DLGAP2: variants seen among roughly 807,000 people sequenced by gnomAD.
DLGAP2 encodes disks large-associated protein 2.
In DLGAP2, 26 loss-of-function variants were observed where a neutral mutation model predicts 100.3. The observed-to-expected ratio is 0.26, with a 90% CI of 0.19 to 0.36. The LOEUF is 0.36. Ranked by LOEUF, DLGAP2 falls within the 10% of genes least tolerant of loss-of-function variation. The pLI, the probability that DLGAP2 is intolerant of heterozygous loss-of-function variation, is 1.00. For synonymous variants in DLGAP2, 886 were observed against 630.1 expected (o/e 1.41, Z -6.08); for missense variants, 1,858 against 1,453.2 (o/e 1.28, Z -4.53).
rs141582000 is a variant in DLGAP2, at chr8:783,022, C to T, written c.18+45197C>T. 1.6e-3 allele frequency among the ~76,000 whole-genome samples: 241 copies of T among 152,290 alleles called. 2 individuals are homozygous for T. The highest frequency in any genetic ancestry group is 9.1e-4 in the Non-Finnish European group (62 of 68,028). Reference sequence around the variant, plus strand: ...TGAGATTAACCAGTGACCGCATGACCGCATGATAACATAAAGCTGATGCAA... The same window carrying T: ...TGAGATTAACCAGTGACCGCATGACTGCATGATAACATAAAGCTGATGCAA... On this transcript the variant is annotated intron_variant, in intron 1 of 14. Coordinates refer to ENST00000637795, the MANE Select transcript of DLGAP2 (RefSeq NM_001346810.2).
chr8:1,164,595 C>T (rs1349115669), intron 2 of DLGAP2, among the ~76,000 whole-genome samples: 1 of 151,994 alleles, frequency 6.6e-6, no homozygotes, highest in African/African-American at 2.4e-5. Flanking sequence ...GCCCAGATGC[C>T]ACAAAGCCCA....
chr8:1,539,879 G>A lies in DLGAP2; in HGVS notation c.173-8747G>A, dbSNP rs187833517. On this transcript the variant is annotated intron_variant, in intron 4 of 14. Coordinates refer to ENST00000637795, the MANE Select transcript of DLGAP2 (RefSeq NM_001346810.2). ...CCTCCCTTCCCTGCCTTCTTCCTGT[G>A]CCCCCCAAGCCCCTCAGTCCATCCT... Among the ~76,000 whole-genome samples, 94 of 151,960 alleles carry A rather than the reference G, an allele frequency of 6.2e-4. 2 individuals are homozygous for A. In the East Asian group the frequency reaches 0.017, roughly 27 times the overall value.
chr8:1,501,865 C>T (rs1052289694), intron 4 of DLGAP2, among the ~76,000 whole-genome samples: 2 of 152,164 alleles, frequency 1.3e-5, no homozygotes, highest in African/African-American at 4.8e-5. Flanking sequence ...TATGACTGTG[C>T]GCTTCCTTCC....
intron 2 of DLGAP2, among the ~76,000 whole-genome samples, chr8:1,175,951 G>A (rs540494521): frequency 3.9e-5 from 6 of 152,296 alleles, no homozygotes; most frequent in South Asian, 4.1e-4. Context: ...AGGACAAAGC[G>A]ATTCGCAGAT....
At chr8:1,067,168 G>A (rs907717154) in intron 2 of DLGAP2, among the ~76,000 whole-genome samples, 33 of 152,192 alleles carry the variant, frequency 2.2e-4, no homozygotes, top group African/African-American at 7.2e-4. Flanking sequence ...CTGTGGCCAC[G>A]TTGTCCATGT....
intron 3 of DLGAP2, among the ~76,000 whole-genome samples, chr8:1,439,548 G>T (rs867799436): frequency 1.3e-5 from 2 of 152,132 alleles, no homozygotes; most frequent in African/African-American, 2.4e-5. Context: ...ATCCTAACGT[G>T]GGCCTCGCTC....
intron 3 of DLGAP2, among the ~76,000 whole-genome samples, chr8:1,324,863 T>C (rs1279476570): frequency 1.3e-5 from 2 of 152,182 alleles, no homozygotes; most frequent in Admixed American, 1.3e-4. Flanking sequence ...TTTGTTTTCT[T>C]GCTGCAGAGA....
At chr8:1,306,700 T>A (rs1800499705) in intron 3 of DLGAP2, among the ~76,000 whole-genome samples, 1 of 152,154 alleles carries the variant, frequency 6.6e-6, no homozygotes, top group Non-Finnish European at 1.5e-5. Flanking sequence ...ATCACAGACA[T>A]CTAGACTAAT....
At chr8:1,207,617 C>G (rs1798023196) in intron 2 of DLGAP2, among the ~76,000 whole-genome samples, 4 of 152,282 alleles carry the variant, frequency 2.6e-5, no homozygotes, top group African/African-American at 9.6e-5. Flanking sequence ...AGTAGATCTA[C>G]TTTTAGTTCT....
At chr8:1,188,686 A>T (rs1167957330) in intron 2 of DLGAP2, among the ~76,000 whole-genome samples, 1 of 151,950 alleles carries the variant, frequency 6.6e-6, no homozygotes, top group Non-Finnish European at 1.5e-5. Context: ...GCAGGAAGAG[A>T]TGTTGCTTCT....
At chr8:1,409,534 C>T (rs1201006638) in intron 3 of DLGAP2, among the ~76,000 whole-genome samples, 2 of 152,214 alleles carry the variant, frequency 1.3e-5, no homozygotes, top group African/African-American at 4.8e-5. Context: ...CAGAACCCTC[C>T]TCGCTTCCCA....
At chr8:1,634,259 A>G (rs1318510831) in intron 8 of DLGAP2, among the ~76,000 whole-genome samples, 1 of 152,196 alleles carries the variant, frequency 6.6e-6, no homozygotes, top group Admixed American at 6.5e-5. Context: ...AAAGCTGTGG[A>G]TCCTCGGTGT....
chr8:1,043,191 T>TGGG (rs1802414098), intron 2 of DLGAP2, among the ~76,000 whole-genome samples: 1 of 96,750 alleles, frequency 1.0e-5, no homozygotes, highest in Non-Finnish European at 2.1e-5. Context: ...GTGGTGGGTG[T>TGGG]TGGTGGTGGA....
At chr8:1,315,422 A>C (rs532499067) in intron 3 of DLGAP2, among the ~76,000 whole-genome samples, 188 of 144,596 alleles carry the variant, frequency 1.3e-3, no homozygotes, top group African/African-American at 4.8e-3. Context: ...GCTTTTAAAA[A>C]TAGAGCGTGT....
chr8:1,464,419 TTTCAGGCTGGCTTCC>T, intron 3 of DLGAP2, among the ~76,000 whole-genome samples: 1 of 140,586 alleles, frequency 7.1e-6, no homozygotes, highest in Non-Finnish European at 1.5e-5. Flanking sequence ...GACAGCTCCC[TTTCAGGCTGGCTTCC>T]TTCCAGCTGA....
chr8:1,553,266 C>T (rs1244720946), intron 5 of DLGAP2, among the ~76,000 whole-genome samples: 4 of 152,202 alleles, frequency 2.6e-5, no homozygotes, highest in Non-Finnish European at 5.9e-5. Context: ...CTGGTTTTCT[C>T]CTCTTCTAGT....
chr8:1,185,268 C>T (rs1411873056), intron 2 of DLGAP2, among the ~76,000 whole-genome samples: 1 of 152,102 alleles, frequency 6.6e-6, no homozygotes, highest in African/African-American at 2.4e-5. Context: ...CTGAGAGTTT[C>T]TTTGTCAAAC....
chr8:791,082 T>G (rs753424561), intron 1 of DLGAP2, among the ~76,000 whole-genome samples: 4 of 152,220 alleles, frequency 2.6e-5, no homozygotes, highest in Non-Finnish European at 4.4e-5. Flanking sequence ...ATTGTGAAAA[T>G]TGGATTTGTA....
chr8:778,936 C>A (rs1427943828), intron 1 of DLGAP2, among the ~76,000 whole-genome samples: 1 of 152,230 alleles, frequency 6.6e-6, no homozygotes, highest in African/African-American at 2.4e-5. Flanking sequence ...GCCCCTCCCC[C>A]AGCCTCGCTG....
Sources: allele counts gnomAD v4.1 joint callset (sites outside exome capture counted in the v4.1 genomes callset), GRCh38; gene constraint gnomAD v4.1.1; transcripts MANE v1.5; gene names NCBI Gene and HGNC (gene_info 2026-07-23, HGNC 2026-07-21).